ADGRL2: variants seen among roughly 807,000 people sequenced by gnomAD.
ADGRL2 encodes the protein calcium-independent alpha-latrotoxin receptor 2.
In ADGRL2, 44 loss-of-function variants were observed where a neutral mutation model predicts 157.4. The ratio of observed to expected loss-of-function variants is 0.28; its 90% CI spans 0.22 to 0.36. The LOEUF is 0.36. Among genes scored for constraint, ADGRL2 ranks in the 10% least tolerant of loss-of-function variants. ADGRL2 has a pLI of 1.00. For missense variants in ADGRL2, 1,510 were observed against 1,768.9 expected (o/e 0.85, Z 2.63); for synonymous variants, 585 against 624.7 (o/e 0.94, Z 0.95).
intron 1 of ADGRL2, among the ~76,000 whole-genome samples, chr1:81,431,125 A>G (rs1216116556): frequency 6.6e-6 from 1 of 152,140 alleles, no homozygotes; most frequent in Non-Finnish European, 1.5e-5. Context: ...GATGTTGAGA[A>G]CATCTGGGGC....
intron 2 of ADGRL2, among the ~76,000 whole-genome samples, chr1:81,855,006 C>A (rs2093153375): frequency 1.3e-5 from 2 of 152,062 alleles, no homozygotes; most frequent in African/African-American, 4.8e-5. Context: ...GGAAGTATTT[C>A]TTTAGGCTGG....
intron 3 of ADGRL2, among the ~76,000 whole-genome samples, chr1:81,604,966 C>T (rs968885927): frequency 6.6e-6 from 1 of 152,156 alleles, no homozygotes; most frequent in Non-Finnish European, 1.5e-5. Context: ...CTTTAGATGT[C>T]AAAGCACTTA....
intron 6 of ADGRL2, among the ~76,000 whole-genome samples, chr1:81,944,766 A>T (rs1649238351): frequency 6.6e-6 from 1 of 152,002 alleles, no homozygotes; most frequent in Non-Finnish European, 1.5e-5. Context: ...AGAGACTAAT[A>T]TATTTTTTCT....
intron 3 of ADGRL2, among the ~76,000 whole-genome samples, chr1:81,924,105 T>G (rs915103533): frequency 1.3e-5 from 2 of 152,310 alleles, no homozygotes; most frequent in South Asian, 4.1e-4. Flanking sequence ...TCATTTGTAT[T>G]GGCTTTCTGT....
chr1:81,669,708 C>A (rs901415400), intron 3 of ADGRL2, among the ~76,000 whole-genome samples: 4 of 151,902 alleles, frequency 2.6e-5, no homozygotes, highest in African/African-American at 9.7e-5. Context: ...TTTGGGAGGC[C>A]AAGGCGGGCG....
At chr1:81,888,071 T>TA (rs2094169086) in intron 2 of ADGRL2, among the ~76,000 whole-genome samples, 1 of 152,200 alleles carries the variant, frequency 6.6e-6, no homozygotes, top group South Asian at 2.1e-4. Context: ...GTCAAACCCA[T>TA]TCAGCCTGCT....
At chr1:81,386,695 A>G (rs946084977) in intron 1 of ADGRL2, among the ~76,000 whole-genome samples, 2 of 152,184 alleles carry the variant, frequency 1.3e-5, no homozygotes, top group African/African-American at 4.8e-5. Context: ...TGCTAAATAC[A>G]TGTTCATTGA....
chr1:81,404,311 G>A (rs1030949086), intron 1 of ADGRL2, among the ~76,000 whole-genome samples: 9 of 152,168 alleles, frequency 5.9e-5, no homozygotes, highest in Non-Finnish European at 1.2e-4. Context: ...GGTTTGTATC[G>A]TAGAAAGTTC....
intron 3 of ADGRL2, among the ~76,000 whole-genome samples, chr1:81,606,038 A>G (rs992038346): frequency 2.0e-5 from 3 of 152,162 alleles, no homozygotes; most frequent in African/African-American, 7.2e-5. Flanking sequence ...AACAAGTACT[A>G]CACTGTACTG....
At position 81,624,723 on chromosome 1, in the gene ADGRL2, G is replaced by C. The variant is rs1241469303; in HGVS notation, c.-143+43743G>C. Among the ~76,000 whole-genome samples the C allele has an allele frequency of 2.6e-5, 4 of 152,188 alleles. No individual in the cohort carries two copies. In the Middle Eastern group the frequency reaches 0.01, roughly 388 times the overall value. ...ATAGTTCAAGCCATAAAGAAAATAGGCATATATGGAGAAGAATTAACTGTA... is the reference window on the plus strand; with the variant it reads ...ATAGTTCAAGCCATAAAGAAAATAGCCATATATGGAGAAGAATTAACTGTA... On this transcript the variant is annotated intron_variant, in intron 3 of 24. Transcript: ENST00000370721.
At chr1:81,509,313 T>A (rs1027053060) in intron 2 of ADGRL2, among the ~76,000 whole-genome samples, 2 of 152,026 alleles carry the variant, frequency 1.3e-5, no homozygotes, top group African/African-American at 4.8e-5. Flanking sequence ...AGACATACTG[T>A]CTTCCATTCG....
Position 81,968,489 on chromosome 1 carries a change from CAA to C in ADGRL2, c.2523+293_2523+294del, listed in dbSNP as rs1253811326. ...AAATAATGAGCAGCAATAGGTCATA[CAA>C]AAGAGACAGAAGGCTCTCGAGTTTA... On this transcript the variant is annotated intron_variant, in intron 14 of 23. Coordinates refer to ENST00000686636, the MANE Select transcript of ADGRL2 (RefSeq NM_001366006.2). Among the ~76,000 whole-genome samples the C allele has an allele frequency of 2.6e-5, 4 of 152,286 alleles. No homozygotes were observed. The Middle Eastern group carries it at 0.01, about 388-fold the overall frequency.
chr1:81,526,768 A>G (rs1222876157), intron 2 of ADGRL2, among the ~76,000 whole-genome samples: 1 of 152,212 alleles, frequency 6.6e-6, no homozygotes, highest in African/African-American at 2.4e-5. Flanking sequence ...AGGAAAGTCT[A>G]TTTCGAATAT....
At chr1:81,751,382 T>C (rs1395965827) in intron 1 of ADGRL2, among the ~76,000 whole-genome samples, 1 of 152,172 alleles carries the variant, frequency 6.6e-6, no homozygotes, top group Non-Finnish European at 1.5e-5. Flanking sequence ...TAGGTTGCTA[T>C]GAAATGAACA....
chr1:81,312,278 C>T (rs1240179759), intron 1 of ADGRL2, among the ~76,000 whole-genome samples: 1 of 152,154 alleles, frequency 6.6e-6, no homozygotes, highest in Non-Finnish European at 1.5e-5. Flanking sequence ...TTTACCCGGG[C>T]GGACGCCATC....
rs58759590 is a variant in ADGRL2, at chr1:81,451,481, T to C, written c.-248+6392T>C. ...GAGAAGAGCATTGCTAACATTTTTT[T>C]GTATTTCTTTCTAGCCCTTTTCTAT... On this transcript the variant is annotated intron_variant, in intron 2 of 24. Transcript: ENST00000370721. Among the ~76,000 whole-genome samples, 981 of 152,332 alleles carry C rather than the reference T, an allele frequency of 6.4e-3. 12 individuals are homozygous for C. Among genetic ancestry groups the C allele is most frequent in the African/African-American group, 0.022 (929 of 41,576 alleles).
At chr1:81,739,226 G>T (rs951818551) in intron 1 of ADGRL2, among the ~76,000 whole-genome samples, 2 of 152,202 alleles carry the variant, frequency 1.3e-5, no homozygotes, top group Non-Finnish European at 2.9e-5. Context: ...GAGTCAAACT[G>T]CAGGGTTCTG....
intron 3 of ADGRL2, among the ~76,000 whole-genome samples, chr1:81,645,262 C>T (rs755278263): frequency 2.0e-5 from 3 of 151,652 alleles, no homozygotes; most frequent in African/African-American, 2.4e-5. Context: ...CATGGTGGTG[C>T]GTGCCTGTAG....
intron 1 of ADGRL2, among the ~76,000 whole-genome samples, chr1:81,412,569 A>G (rs1016708556): frequency 2.0e-5 from 3 of 152,080 alleles, no homozygotes; most frequent in African/African-American, 7.2e-5. Context: ...CTCCACTTGG[A>G]CTCTAAGCTC....
Sources: gnomAD v4.1 joint callset for allele counts (sites outside exome capture counted in the v4.1 genomes callset) on GRCh38, gnomAD v4.1.1 for gene constraint, MANE v1.5 for transcripts, NCBI Gene and HGNC (gene_info 2026-07-23, HGNC 2026-07-21) for gene names.